PARVA: variants seen among roughly 807,000 people sequenced by gnomAD.
The protein encoded by PARVA is parvin alpha, also known as alpha-parvin.
Under a neutral mutation model 52.6 loss-of-function variants are expected in PARVA, and 25 were observed. The ratio of observed to expected loss-of-function variants is 0.48; its 90% confidence interval spans 0.35 to 0.66. PARVA has a LOEUF of 0.66. Ranked by LOEUF, PARVA falls within the 30% of genes least tolerant of loss-of-function variation. The pLI is 0.01. For missense variants in PARVA, 373 were observed against 450.9 expected (o/e 0.83, Z 1.56); for synonymous variants, 185 against 179.1 (o/e 1.03, Z -0.26).
intron 1 of PARVA, among the ~76,000 whole-genome samples, chr11:12,448,936 G>A (rs1175592177): frequency 1.3e-5 from 2 of 152,104 alleles, no homozygotes; most frequent in African/African-American, 2.4e-5. Context: ...TCTCTTCCCA[G>A]CTTATTTAAA....
intron 12 of PARVA, among the ~76,000 whole-genome samples, chr11:12,523,282 G>A (rs1308024188): frequency 6.6e-6 from 1 of 152,164 alleles, no homozygotes; most frequent in Non-Finnish European, 1.5e-5. Context: ...GCGCAGGGAG[G>A]TCGGCTGGGG....
intron 1 of PARVA, among the ~76,000 whole-genome samples, chr11:12,410,044 A>G (rs572370169): frequency 1.1e-4 from 17 of 152,326 alleles, no homozygotes; most frequent in African/African-American, 4.1e-4. Context: ...ACCAAATTCC[A>G]AATGTGCCTC....
intron 1 of PARVA, among the ~76,000 whole-genome samples, chr11:12,403,179 T>A (rs565354172): frequency 6.6e-6 from 1 of 152,350 alleles, no homozygotes; most frequent in Non-Finnish European, 1.5e-5. Flanking sequence ...AAACCCCTAC[T>A]GTACTCTGCC....
intron 1 of PARVA, among the ~76,000 whole-genome samples, chr11:12,393,585 C>T (rs1487141442): frequency 1.3e-5 from 2 of 152,146 alleles, no homozygotes; most frequent in African/African-American, 4.8e-5. Flanking sequence ...CCTCATCACT[C>T]AGCTGGTGGG....
At chr11:12,474,043 C>T (rs1168378226) in intron 3 of PARVA, 60 bp downstream of exon 3, 2 of 1,342,110 alleles carry the variant, frequency 1.5e-6, no homozygotes, top group East Asian at 2.5e-5. Flanking sequence ...GTCCATATGC[C>T]ACCTGCTCTG....
intron 1 of PARVA, among the ~76,000 whole-genome samples, chr11:12,462,697 G>C (rs141511828): frequency 6.6e-6 from 1 of 152,312 alleles, no homozygotes; most frequent in African/African-American, 2.4e-5. Context: ...ACCATGGATA[G>C]ATGCAATTCC....
intron 1 of PARVA, 22 bp downstream of exon 1, chr11:12,377,805 G>T: frequency 2.7e-6 from 4 of 1,472,548 alleles, no homozygotes; most frequent in Non-Finnish European, 3.6e-6. Flanking sequence ...CAGGCCGGCC[G>T]GGCGGGCGGT....
intron 1 of PARVA, among the ~76,000 whole-genome samples, chr11:12,446,310 G>A (rs568530218): frequency 2.6e-5 from 4 of 152,214 alleles, no homozygotes; most frequent in African/African-American, 9.6e-5. Context: ...ACAACTGTGA[G>A]TTACCACTCC....
intron 1 of PARVA, among the ~76,000 whole-genome samples, chr11:12,465,705 T>C (rs758320814): frequency 5.9e-5 from 9 of 152,222 alleles, no homozygotes; most frequent in Non-Finnish European, 1.2e-4. Flanking sequence ...CTCATTTCCT[T>C]TTATCACTAA....
chr11:12,443,719 G>T (rs925479769), intron 1 of PARVA, among the ~76,000 whole-genome samples: 5 of 152,152 alleles, frequency 3.3e-5, no homozygotes, highest in Non-Finnish European at 5.9e-5. Flanking sequence ...GGAACATGAG[G>T]TGCTTGGATG....
rs1941502519 is a variant in PARVA at position 12,511,511 on chromosome 11, C to T, written c.717-3C>T. On this transcript the variant is annotated splice_polypyrimidine_tract_variant and splice_region_variant and intron_variant, in intron 7 of 12. Coordinates refer to ENST00000334956, the MANE Select transcript of PARVA (RefSeq NM_018222.5). ...CACTATTTTCTTTCTCTTTTTCCTC[C>T]AGGGCTCTTTCCGGGAGGCATGGTA... 2 of 1,613,054 alleles carry T rather than the reference C, an allele frequency of 1.2e-6. No homozygotes were observed. The highest frequency in any genetic ancestry group is 4.5e-5 in the East Asian group (2 of 44,846).
At chr11:12,377,874 C>A in intron 1 of PARVA, 91 bp downstream of exon 1, 4 of 912,416 alleles carry the variant, frequency 4.4e-6, no homozygotes, top group Non-Finnish European at 5.7e-6. Context: ...GGCGGGAGCG[C>A]GCCGCGGGTG....
At chr11:12,435,578 G>A (rs1340644490) in intron 1 of PARVA, among the ~76,000 whole-genome samples, 1 of 152,218 alleles carries the variant, frequency 6.6e-6, no homozygotes, top group Non-Finnish European at 1.5e-5. Context: ...GGTTTGAGCT[G>A]CATGTTGAGT....
intron 1 of PARVA, among the ~76,000 whole-genome samples, chr11:12,411,375 G>T (rs1297250133): frequency 1.3e-5 from 2 of 152,206 alleles, no homozygotes; most frequent in East Asian, 3.9e-4. Flanking sequence ...ATTGTACATT[G>T]GTATGGTACA....
At chr11:12,401,279 A>G (rs1317582682) in intron 1 of PARVA, among the ~76,000 whole-genome samples, 1 of 152,234 alleles carries the variant, frequency 6.6e-6, no homozygotes, top group Admixed American at 6.5e-5. Context: ...TAGGAAAGCT[A>G]TGTTAATAAA....
intron 12 of PARVA, among the ~76,000 whole-genome samples, chr11:12,523,406 G>A (rs1941663334): frequency 6.6e-6 from 1 of 152,164 alleles, no homozygotes; most frequent in Admixed American, 6.5e-5. Context: ...AGAGACCGTG[G>A]GGGAAGGCTT....
intron 12 of PARVA, among the ~76,000 whole-genome samples, chr11:12,524,541 C>T (rs1035359459): frequency 6.6e-5 from 10 of 152,198 alleles, no homozygotes; most frequent in East Asian, 5.8e-4. Flanking sequence ...CTTTGCGACC[C>T]GTGCTCATGC....
In PARVA at chr11:12,532,439, C is replaced by A. The variant is rs1941784181; in HGVS notation, c.*4514C>A. ...AATCTTGTTTGATCACAGGATGTAT[C>A]TGTCCCCTGAGAAATTTCTAGGATG... On this transcript the variant is annotated 3_prime_UTR_variant, in exon 13 of 13. Coordinates refer to ENST00000334956, the MANE Select transcript of PARVA (RefSeq NM_018222.5). 6.6e-6 allele frequency among the ~76,000 whole-genome samples: 1 copy of A among 152,122 alleles called. No individual in the cohort carries two copies. The highest frequency in any genetic ancestry group is 2.4e-5 in the African/African-American group (1 of 41,428).
chr11:12,419,100 T>C (rs1340655983), intron 1 of PARVA, among the ~76,000 whole-genome samples: 1 of 152,226 alleles, frequency 6.6e-6, no homozygotes, highest in Non-Finnish European at 1.5e-5. Context: ...TTTAAAAAAG[T>C]CTTTCCAGCC....
Sources: gnomAD v4.1 joint callset for allele counts (sites outside exome capture counted in the v4.1 genomes callset) on GRCh38, gnomAD v4.1.1 for gene constraint, MANE v1.5 for transcripts, NCBI Gene and HGNC (gene_info 2026-07-23, HGNC 2026-07-21) for gene names.